The following CLCNKB variants were observed in gnomAD, a reference collection of about 807,000 sequenced individuals.
CLCNKB encodes chloride channel protein ClC-Kb.
CLCNKB carries 74 observed loss-of-function variants against 83.8 expected under a neutral mutation model. The ratio of observed to expected loss-of-function variants is 0.88; its 90% confidence interval spans 0.73 to 1.07. The LOEUF (loss-of-function observed/expected upper bound fraction) is 1.07, where lower values mean the gene tolerates loss of function less well. Among genes scored for constraint, CLCNKB ranks in the 50% least tolerant of loss-of-function variants. CLCNKB has a pLI of 0.00. For synonymous variants in CLCNKB, 358 were observed against 356.6 expected, an observed-to-expected ratio of 1.00 and a Z score of -0.04; for missense variants, 798 against 893.6, an observed-to-expected ratio of 0.89 and a Z score of 1.36.
chr1:16,056,640 A>G, intron 19 of CLCNKB, 132 bp downstream of exon 19: 1 of 1,123,426 alleles, frequency 8.9e-7, no homozygotes, highest in Non-Finnish European at 1.3e-6. Context: ...GATACTGATG[A>G]GTCCCTCTTC....
At position 16,055,420 on chromosome 1, in the gene CLCNKB, C is replaced by G. The variant is rs771578145; in HGVS notation, c.1757-15C>G. The stretch of plus-strand genomic sequence containing the variant: ...TCCTAATGTGCCTCCCTCTGGCTGT[C>G]TCTCCACTTGCCAGAGTCCCAGATC... On this transcript the variant is annotated splice_polypyrimidine_tract_variant and intron_variant, in intron 16 of 19. Coordinates refer to ENST00000375679, the MANE Select transcript of CLCNKB (RefSeq NM_000085.5). 1.2e-6 allele frequency: 2 copies of G among 1,609,450 alleles called. No individual in the cohort carries two copies. The highest frequency in any genetic ancestry group is 1.7e-6 in the Non-Finnish European group (2 of 1,176,146).
intron 1 of CLCNKB, among the ~76,000 whole-genome samples, chr1:16,044,240 G>T (rs1474508968): frequency 5.6e-5 from 2 of 35,510 alleles, no homozygotes; most frequent in Non-Finnish European, 2.3e-4. Flanking sequence ...GCTGGACACA[G>T]GGGGACACCT....
chr1:16,049,055 A>AGGG lies in CLCNKB; in HGVS notation c.656-62_656-60dup, dbSNP rs1341504846. On this transcript the variant is annotated intron_variant, in intron 7 of 19. Transcript: ENST00000375679. ...GGGTCAGGGAGGAGGTGACATGGGG[A>AGGG]GGGGGTCCTACAGTCACAGGTGGGT... 11 of 1,550,912 alleles carry AGGG rather than the reference A, an allele frequency of 7.1e-6. No homozygotes were observed. The East Asian group carries it at 2.6e-4, about 36-fold the overall frequency.
intron 16 of CLCNKB, 136 bp from the exon 17 acceptor site, chr1:16,055,299 C>G: frequency 1.3e-6 from 1 of 779,798 alleles, no homozygotes; most frequent in Non-Finnish European, 2.2e-6. Context: ...GTTTCCTGTC[C>G]TTTATAATGG....
rs752344124 is a variant in CLCNKB at position 16,051,099 on chromosome 1, G to C, written c.1227+51G>C. The stretch of plus-strand genomic sequence containing the variant: ...CACAGAGCTGGGACCAGCTCTGGTG[G>C]TGGTGGGGGGTACCTCATCGCAGCT... On this transcript the variant is annotated intron_variant, in intron 12 of 19. Coordinates refer to ENST00000375679, the MANE Select transcript of CLCNKB (RefSeq NM_000085.5). 4.7e-5 allele frequency: 76 copies of C among 1,608,178 alleles called. No individual in the cohort carries two copies. The East Asian group carries it at 1.7e-3, about 36-fold the overall frequency.
chr1:16,052,253 C>T lies in CLCNKB; in HGVS notation c.1464C>T (p.Ala488=), dbSNP rs368272114. The T allele has an allele frequency of 7.4e-6, 12 of 1,613,240 alleles. No homozygotes were observed. In the African/African-American group the frequency reaches 1.5e-4, roughly 20 times the overall value. Residue 488 remains alanine, a synonymous_variant, in exon 15 of 20, where the codon GCC becomes GCT. Transcript: ENST00000375679. The stretch of plus-strand genomic sequence containing the variant: ...ACACCATCTCCACGGCGCTGCTGGC[C>T]TTCGAGGTGACCGGCCAGATAGTGC... The part of the protein sequence containing the change: ...VTHTISTALL[A]FEVTGQIVHA...
Position 16,048,909 on chromosome 1 carries a change from C to T in CLCNKB, c.656-211C>T, listed in dbSNP as rs529057477. The stretch of plus-strand genomic sequence containing the variant: ...CCGTCCCCACCCGATAGCGAGAGGG[C>T]GCACACCCGCATTCCAGGCTGGACG... On this transcript the variant is annotated intron_variant, in intron 7 of 19. Coordinates refer to ENST00000375679, the MANE Select transcript of CLCNKB (RefSeq NM_000085.5). 1.7e-5 allele frequency: 24 copies of T among 1,451,230 alleles called. No individual in the cohort carries two copies. In the East Asian group the frequency reaches 6.0e-4, roughly 36 times the overall value. The allele number at this position is 1,451,230 out of a possible 1,614,324, so 89.9% of individuals were successfully genotyped here.
chr1:16,044,356 TACAC>T (rs1553127093), intron 1 of CLCNKB, 126 bp from the exon 2 acceptor site: 46 of 374,762 alleles, frequency 1.2e-4, no homozygotes, highest in Non-Finnish European at 1.8e-4. Context: ...TAACTTCACA[TACAC>T]ACACACACAC....
At chr1:16,045,470 C>T in intron 2 of CLCNKB, 88 bp from the exon 3 acceptor site, 1 of 1,530,512 alleles carries the variant, frequency 6.5e-7, no homozygotes, top group Non-Finnish European at 9.0e-7. Context: ...GCCCCAGCCT[C>T]TCTGCCTGAA....
chr1:16,046,535 C>A lies in CLCNKB; in HGVS notation c.230C>A (p.Ala77Glu), dbSNP rs146627440. The change falls in exon 4 of 20, where the codon GCG becomes GAG. Residue 77 changes from alanine to glutamate, a missense_variant and splice_region_variant. Ala to Glu is a moderately radical substitution (Grantham distance 107, BLOSUM62 -1). Transcript: ENST00000375679. ...CTCCCTGATACCCGGCTGTCCCCAG[C>A]GCACCAGTGGCTGTACAGGGAGATT... ...MDLAVESVVR[A>E]HQWLYREIGD... 3.7e-6 allele frequency: 6 copies of A among 1,613,852 alleles called. No individual in the cohort carries two copies. The highest frequency in any genetic ancestry group is 1.7e-5 in the Admixed American group (1 of 60,032).
chr1:16,052,359 G>C lies in CLCNKB; in HGVS notation c.1570G>C (p.Val524Leu). The change falls in exon 15 of 20, where the codon GTC (valine) becomes CTC (leucine). Residue 524 changes from valine to leucine, a missense_variant. Transcript: ENST00000375679. ...CCAGCCCTCCTTCTATGATGGCACC[G>C]TCATTGTCAAGAAGCTGCCATACCT... ...SCQPSFYDGTVIVKKLPYLPR... is the reference protein window; with the variant it reads ...SCQPSFYDGTLIVKKLPYLPR... 1 of 1,611,260 alleles carries C rather than the reference G, an allele frequency of 6.2e-7. No homozygotes were observed. Among genetic ancestry groups the C allele is most frequent in the African/African-American group, 1.3e-5 (1 of 74,916 alleles).
rs1280146538 is a variant in CLCNKB at position 16,053,026 on chromosome 1, G to A, written c.1623-613G>A. Among the ~76,000 whole-genome samples, 3 of 148,156 alleles carry A rather than the reference G, an allele frequency of 2.0e-5. No homozygotes were observed. The East Asian group carries it at 5.8e-4, about 29-fold the overall frequency. ...GACTTTCAAGTTTTTTTCCCTGGGGGAGGCATATACTTTTTTTTTTTTGAG... is the reference window on the plus strand; with the variant it reads ...GACTTTCAAGTTTTTTTCCCTGGGGAAGGCATATACTTTTTTTTTTTTGAG... On this transcript the variant is annotated intron_variant, in intron 15 of 19. Coordinates refer to ENST00000375679, the MANE Select transcript of CLCNKB (RefSeq NM_000085.5).
chr1:16,046,537 C>T lies in CLCNKB; in HGVS notation c.232C>T (p.His78Tyr), dbSNP rs774375793. 7 of 1,613,936 alleles carry T rather than the reference C, an allele frequency of 4.3e-6. No individual in the cohort carries two copies. The highest frequency in any genetic ancestry group is 1.7e-5 in the Admixed American group (1 of 60,024). The change falls in exon 4 of 20, where the codon CAC (histidine) becomes TAC (tyrosine). Residue 78 changes from histidine (H) to tyrosine (Y), a missense_variant and splice_region_variant. His to Tyr is a moderately conservative substitution (Grantham distance 83). Coordinates refer to ENST00000375679, the MANE Select transcript of CLCNKB (RefSeq NM_000085.5). ...CCCTGATACCCGGCTGTCCCCAGCG[C>T]ACCAGTGGCTGTACAGGGAGATTGG... ...DLAVESVVRA[H>Y]QWLYREIGDS...
chr1:16,048,285 G>C (rs1570332329), intron 5 of CLCNKB, 58 bp from the exon 6 acceptor site: 9 of 1,598,976 alleles, frequency 5.6e-6, no homozygotes, highest in Non-Finnish European at 7.7e-6. Context: ...TGCTGACTCT[G>C]GGTGAGACCG....
chr1:16,045,693 C>T lies in CLCNKB; in HGVS notation c.229+7C>T, dbSNP rs778531035. 9 of 1,613,400 alleles carry T rather than the reference C, an allele frequency of 5.6e-6. No individual in the cohort carries two copies. The highest frequency in any genetic ancestry group is 2.2e-5 in the East Asian group (1 of 44,854). ...GTTGAGAGTGTGGTCCGAGGTAACC[C>T]CTCCATGGCAGGTGCTGCTCTGGGC... On this transcript the variant is annotated splice_region_variant and intron_variant, in intron 3 of 19. Transcript: ENST00000375679.
intron 17 of CLCNKB, 69 bp downstream of exon 17, chr1:16,055,592 G>A (rs1317349194): frequency 8.2e-6 from 13 of 1,586,586 alleles, no homozygotes; most frequent in African/African-American, 1.3e-5. Context: ...AGAGGGGCCC[G>A]CTGATATCCT....
chr1:16,055,829 G>C (rs1190815240), intron 18 of CLCNKB, 71 bp downstream of exon 18: 4 of 1,454,252 alleles, frequency 2.8e-6, no homozygotes, highest in African/African-American at 1.4e-5. Context: ...AGGAGCTCAC[G>C]CTCCAGCCTC....
intron 15 of CLCNKB, among the ~76,000 whole-genome samples, chr1:16,053,308 G>A (rs564434630): frequency 6.6e-6 from 1 of 152,258 alleles, no homozygotes; most frequent in African/African-American, 2.4e-5. Context: ...GATTACAGGC[G>A]TGAGCCACCG....
chr1:16,045,018 G>A (rs2023055498), intron 2 of CLCNKB, among the ~76,000 whole-genome samples: 1 of 152,174 alleles, frequency 6.6e-6, no homozygotes, highest in Admixed American at 6.5e-5. Flanking sequence ...CAGCTACGGG[G>A]CAGAGCAAGT....
Sources: gnomAD v4.1 joint callset for allele counts (sites outside exome capture counted in the v4.1 genomes callset) on GRCh38, gnomAD v4.1.1 for gene constraint, MANE v1.5 for transcripts, NCBI Gene and HGNC (gene_info 2026-07-23, HGNC 2026-07-21) for gene names.